The following NSG1 variants were observed in gnomAD, a reference collection of about 807,000 sequenced individuals.
NSG1 encodes the protein neuronal vesicle trafficking associated 1, also known as neuronal vesicle trafficking-associated protein 1.
In NSG1, 9 loss-of-function variants were observed where a neutral mutation model predicts 19.3. That is an observed-to-expected ratio of 0.47 (90% CI 0.28 to 0.81). The LOEUF (loss-of-function observed/expected upper bound fraction) is 0.81, where lower values mean the gene tolerates loss of function less well. Ranked by LOEUF, NSG1 falls within the 40% of genes least tolerant of loss-of-function variation. The pLI is 0.11. For synonymous variants in NSG1, 104 were observed against 107.0 expected (o/e 0.97, Z 0.17); for missense variants, 236 against 242.4 (o/e 0.97, Z 0.18).
intron 4 of NSG1, 46 bp from the exon 5 acceptor site, chr4:4,417,187 ACC>A: frequency 6.5e-7 from 1 of 1,539,326 alleles, no homozygotes; most frequent in East Asian, 2.2e-5. Context: ...ACACACTGGC[ACC>A]CCCTCTTGCA....
rs1724730079 is a variant in NSG1, at chr4:4,418,655, G to GT, written c.*1226dup. The GT allele has an allele frequency of 1.3e-5, 2 of 152,708 alleles. No homozygotes were observed. The highest frequency in any genetic ancestry group is 4.8e-5 in the African/African-American group (2 of 41,554). The allele number at this position is 152,708 out of a possible 1,614,324, so 9.5% of individuals were successfully genotyped here. On this transcript the variant is annotated 3_prime_UTR_variant, in exon 5 of 5. Transcript: ENST00000621129. ...TCTGGTGTACGTGTCAAAAGTTTCA[G>GT]TTTTTTAGATCAGAAATAAACGACA...
chr4:4,402,983 A>G (rs2108741302), intron 3 of NSG1, among the ~76,000 whole-genome samples: 1 of 152,344 alleles, frequency 6.6e-6, no homozygotes, highest in East Asian at 1.9e-4. Context: ...ACCTCCTGCA[A>G]ACTAAATCCA....
chr4:4,394,851 T>A (rs1419295578), intron 3 of NSG1, among the ~76,000 whole-genome samples: 1 of 152,184 alleles, frequency 6.6e-6, no homozygotes, highest in Non-Finnish European at 1.5e-5. Flanking sequence ...AGCTGGCAGC[T>A]CATTGGATTG....
chr4:4,409,097 C>G lies in NSG1; in HGVS notation c.247-476C>G, dbSNP rs1012435336. ...AGAGGTTCTGTCTTTCCTGGTCCCA[C>G]GCAAAAGCAGGCTGGTGTCCATGCG... is the stretch of plus-strand genomic sequence containing the variant. On this transcript the variant is annotated intron_variant, in intron 3 of 4. Transcript: ENST00000621129. Among the ~76,000 whole-genome samples the G allele has an allele frequency of 4.6e-5, 7 of 152,378 alleles. No homozygotes were observed. In the South Asian group the frequency reaches 1.0e-3, roughly 23 times the overall value.
intron 3 of NSG1, 75 bp from the exon 4 acceptor site, chr4:4,409,498 C>CCTTCGTGTGCGGGTGTGTGT (rs1246747614): frequency 3.7e-5 from 39 of 1,042,176 alleles, no homozygotes; most frequent in Non-Finnish European, 2.0e-5. Context: ...TGGGGGGGGG[C>CCTTCGTGTGCGGGTGTGTGT]CTTCGTGTGC....
At chr4:4,391,354 C>T (rs934236338) in intron 2 of NSG1, 121 bp from the exon 3 acceptor site, 19 of 671,734 alleles carry the variant, frequency 2.8e-5, no homozygotes, top group East Asian at 2.8e-4. Flanking sequence ...TGGCTGTTCT[C>T]GTTCTTGTGA....
At chr4:4,411,191 G>T (rs992103321) in intron 4 of NSG1, among the ~76,000 whole-genome samples, 10 of 152,138 alleles carry the variant, frequency 6.6e-5, no homozygotes, top group African/African-American at 2.4e-4. Context: ...TGACTCTTTT[G>T]TAATAACACT....
intron 3 of NSG1, among the ~76,000 whole-genome samples, chr4:4,397,039 C>CTGTGTGTGTGTGTGTGTGTGTG (rs61613589): frequency 6.7e-6 from 1 of 150,146 alleles, no homozygotes; most frequent in East Asian, 2.0e-4. Context: ...GTTCAGTCAT[C>CTGTGTGTGTGTGTGTGTGTGTG]TGTGTGTGTG....
At chr4:4,400,573 A>G (rs568634963) in intron 3 of NSG1, among the ~76,000 whole-genome samples, 9 of 152,298 alleles carry the variant, frequency 5.9e-5, no homozygotes, top group African/African-American at 2.2e-4. Flanking sequence ...ATGTTTTTCA[A>G]TCTGTGAACA....
At chr4:4,408,469 G>T (rs1036494812) in intron 3 of NSG1, among the ~76,000 whole-genome samples, 5 of 152,106 alleles carry the variant, frequency 3.3e-5, no homozygotes, top group South Asian at 4.2e-4. Flanking sequence ...TTTATTGATT[G>T]ATTTATTTTG....
At chr4:4,416,249 C>T (rs1222819669) in intron 4 of NSG1, 25 of 700,898 alleles carry the variant, frequency 3.6e-5, no homozygotes, top group Admixed American at 6.0e-5. Flanking sequence ...CCTGTAGCGC[C>T]GCCCTCCTGC....
chr4:4,388,134 C>T (rs1722832009), intron 2 of NSG1, among the ~76,000 whole-genome samples: 1 of 149,532 alleles, frequency 6.7e-6, no homozygotes, highest in Non-Finnish European at 1.5e-5. Context: ...CGAGGCTGCC[C>T]CTGTACCTTC....
intron 4 of NSG1, among the ~76,000 whole-genome samples, chr4:4,414,256 G>T (rs1204965648): frequency 2.0e-5 from 3 of 151,778 alleles, no homozygotes; most frequent in Non-Finnish European, 1.5e-5. Context: ...TCCTGTGTCC[G>T]GCTGCAGATG....
At chr4:4,412,516 C>G (rs1289636558) in intron 4 of NSG1, among the ~76,000 whole-genome samples, 1 of 151,842 alleles carries the variant, frequency 6.6e-6, no homozygotes, top group Non-Finnish European at 1.5e-5. Flanking sequence ...GAGAAGGCAC[C>G]TAGGAAGGCC....
intron 4 of NSG1, among the ~76,000 whole-genome samples, chr4:4,411,366 G>A (rs1490474808): frequency 2.0e-5 from 3 of 152,174 alleles, no homozygotes; most frequent in Non-Finnish European, 4.4e-5. Flanking sequence ...AGGATCCACA[G>A]TATCACCGCC....
At chr4:4,401,584 C>T (rs1156541161) in intron 3 of NSG1, among the ~76,000 whole-genome samples, 4 of 152,142 alleles carry the variant, frequency 2.6e-5, no homozygotes, top group East Asian at 1.9e-4. Flanking sequence ...GCAAAGTTAT[C>T]GGGGCTGGCT....
chr4:4,390,626 G>A (rs1467742681), intron 2 of NSG1, among the ~76,000 whole-genome samples: 1 of 152,176 alleles, frequency 6.6e-6, no homozygotes, highest in Non-Finnish European at 1.5e-5. Context: ...CCTGGCTTGG[G>A]GAGCGGGGTT....
rs13107725 is a variant in NSG1, at chr4:4,398,577, A to G, written c.246+6986A>G. Among the ~76,000 whole-genome samples the G allele has an allele frequency of 2.0e-3, 310 of 152,190 alleles. 4 individuals are homozygous for G. Among genetic ancestry groups the G allele is most frequent in the Admixed American group, 9.9e-3 (151 of 15,292 alleles). ...ATCTATCTGGCCTCTTTCACTTAGC[A>G]TGCTATTTCAAAGCTCAGCTACGTT... On this transcript the variant is annotated intron_variant, in intron 3 of 4. Transcript: ENST00000621129.
intron 3 of NSG1, among the ~76,000 whole-genome samples, chr4:4,400,814 C>T (rs1481240012): frequency 2.0e-5 from 3 of 152,212 alleles, no homozygotes; most frequent in East Asian, 1.9e-4. Flanking sequence ...TTTGAAGCCA[C>T]AGTATCAGAT....
Sources: allele counts gnomAD v4.1 joint callset (sites outside exome capture counted in the v4.1 genomes callset), GRCh38; gene constraint gnomAD v4.1.1; transcripts MANE v1.5; gene names NCBI Gene and HGNC (gene_info 2026-07-23, HGNC 2026-07-21).